YJU2: variants seen among roughly 807,000 people sequenced by gnomAD.
YJU2 encodes the protein splicing factor YJU2.
Under a neutral mutation model 39.6 loss-of-function variants are expected in YJU2, and 28 were observed. That is an observed-to-expected ratio of 0.71 (90% CI 0.52 to 0.97). The LOEUF is 0.97. Ranked by LOEUF, YJU2 falls within the 50% of genes least tolerant of loss-of-function variation. YJU2 has a pLI of 0.00. For synonymous variants in YJU2, 184 were observed against 182.4 expected (o/e 1.01, Z -0.07); for missense variants, 328 against 430.4 (o/e 0.76, Z 2.11).
chr19:4,251,182 C>G lies in YJU2; in HGVS notation c.270+11C>G. ...GAGATCACCTTCAAGGTAGGTGAGA[C>G]GGCCGGCCAGGCCGGTCCCTCTCCC... On this transcript the variant is annotated intron_variant, in intron 3 of 7. Transcript: ENST00000262962. 1 of 1,611,548 alleles carries G rather than the reference C, an allele frequency of 6.2e-7. No individual in the cohort carries two copies.
intron 4 of YJU2, among the ~76,000 whole-genome samples, chr19:4,257,834 C>T (rs1210588088): frequency 6.6e-6 from 1 of 152,126 alleles, no homozygotes; most frequent in Non-Finnish European, 1.5e-5. Context: ...AACTCCTGAT[C>T]TCAGGTGATC....
In YJU2 at chr19:4,268,713, C is replaced by G. The variant is rs1013558635; in HGVS notation, c.*17C>G. Reference sequence around the variant, plus strand: ...AGCAACTGAGCCCTCCCAGGACCCCCTCACGGGGTCAAAGTCACACGTCCA... The same window carrying G: ...AGCAACTGAGCCCTCCCAGGACCCCGTCACGGGGTCAAAGTCACACGTCCA... On this transcript the variant is annotated 3_prime_UTR_variant, in exon 8 of 8. Coordinates refer to ENST00000262962, the MANE Select transcript of YJU2 (RefSeq NM_018074.6). The G allele has an allele frequency of 2.6e-6, 4 of 1,562,528 alleles. No homozygotes were observed. The East Asian group carries it at 9.0e-5, about 35-fold the overall frequency.
intron 6 of YJU2, among the ~76,000 whole-genome samples, chr19:4,265,972 G>A (rs1388799587): frequency 3.4e-5 from 4 of 116,326 alleles, no homozygotes; most frequent in African/African-American, 1.0e-4. Flanking sequence ...TTTTTTTTTC[G>A]AGACGGCGTC....
chr19:4,251,256 C>A, intron 3 of YJU2, 85 bp downstream of exon 3: 1 of 1,276,980 alleles, frequency 7.8e-7, no homozygotes, highest in Non-Finnish European at 1.1e-6. Context: ...TAACTCCAAT[C>A]CTCTCCATCC....
intron 5 of YJU2, among the ~76,000 whole-genome samples, chr19:4,261,035 G>A (rs1285772189): frequency 6.6e-6 from 1 of 151,522 alleles, no homozygotes; most frequent in Non-Finnish European, 1.5e-5. Flanking sequence ...GGTCATCCCA[G>A]GTAAGGGGAT....
chr19:4,261,379 T>A (rs545013553), intron 5 of YJU2, among the ~76,000 whole-genome samples: 1 of 152,218 alleles, frequency 6.6e-6, no homozygotes, highest in African/African-American at 2.4e-5. Context: ...TAGTCCTAGC[T>A]GCTCGGTAGG....
chr19:4,252,334 C>T (rs1054567098), intron 3 of YJU2, among the ~76,000 whole-genome samples: 3 of 151,984 alleles, frequency 2.0e-5, no homozygotes, highest in Non-Finnish European at 2.9e-5. Flanking sequence ...CGCAGTGGCT[C>T]ACGCCTCTAA....
Position 4,264,699 on chromosome 19 carries a change from C to T in YJU2, c.708+2585C>T, listed in dbSNP as rs965379054. Among the ~76,000 whole-genome samples, 3 of 152,088 alleles carry T rather than the reference C, an allele frequency of 2.0e-5. No homozygotes were observed. In the East Asian group the frequency reaches 5.8e-4, roughly 29 times the overall value. ...ATGGCGTTTCACCATGTTGGCCAGG[C>T]TGATCTAGAACTCCTGACCTCAGGT... On this transcript the variant is annotated intron_variant, in intron 6 of 7. Transcript: ENST00000262962.
intron 6 of YJU2, among the ~76,000 whole-genome samples, chr19:4,266,634 C>G (rs192488152): frequency 8.5e-5 from 13 of 152,242 alleles, no homozygotes; most frequent in African/African-American, 3.1e-4. Flanking sequence ...GGGCAGAGCA[C>G]CCATTGGGAC....
At chr19:4,262,955 T>A (rs930005897) in intron 6 of YJU2, among the ~76,000 whole-genome samples, 3 of 150,532 alleles carry the variant, frequency 2.0e-5, no homozygotes, top group African/African-American at 7.4e-5. Context: ...ACGCTTGTAA[T>A]CCCAGCTACT....
At chr19:4,264,575 C>T (rs1367622722) in intron 6 of YJU2, among the ~76,000 whole-genome samples, 1 of 151,876 alleles carries the variant, frequency 6.6e-6, no homozygotes, top group Non-Finnish European at 1.5e-5. Context: ...CAACCTTCGC[C>T]CCCCGGGTTC....
chr19:4,254,331 G>GT lies in YJU2; in HGVS notation c.271-24_271-23insT, dbSNP rs779868147. On this transcript the variant is annotated intron_variant, in intron 3 of 7. Coordinates refer to ENST00000262962, the MANE Select transcript of YJU2 (RefSeq NM_018074.6). ...TCTAGTGCCTGGGGATGTAGGAGCT[G>GT]ATGTCTGTCTATCCTCCCTGCAGAC... 101 of 1,585,280 alleles carry GT rather than the reference G, an allele frequency of 6.4e-5. 1 individual carries two copies. The South Asian group carries it at 1.1e-3, about 17-fold the overall frequency.
At chr19:4,264,179 G>A (rs113626336) in intron 6 of YJU2, among the ~76,000 whole-genome samples, 44,632 of 145,102 alleles carry the variant, frequency 0.31, 6,946 homozygotes, top group East Asian at 0.5. Flanking sequence ...GGAGAATGGC[G>A]TGAACCCAGG....
intron 4 of YJU2, among the ~76,000 whole-genome samples, chr19:4,256,485 A>G (rs1183236503): frequency 1.3e-5 from 2 of 152,112 alleles, no homozygotes; most frequent in African/African-American, 2.4e-5. Flanking sequence ...CTGTGTGTGA[A>G]TTTAGTTACC....
chr19:4,267,984 G>C lies in YJU2; in HGVS notation c.859+210G>C, dbSNP rs568228631. ...TTTTTTTTTTTTGAGACAGAGTCTT[G>C]CTCTGTTGCCCAGGCTGGAGTGCAG... On this transcript the variant is annotated intron_variant, in intron 7 of 7. Transcript: ENST00000262962. 9.7e-5 allele frequency among the ~76,000 whole-genome samples: 14 copies of C among 144,098 alleles called. No homozygotes were observed. In the East Asian group the frequency reaches 2.5e-3, roughly 25 times the overall value. 94.5% of individuals were successfully genotyped at this position (144,098 alleles called of 152,430 possible).
chr19:4,254,749 G>C (rs944556250), intron 4 of YJU2, among the ~76,000 whole-genome samples: 36 of 151,896 alleles, frequency 2.4e-4, no homozygotes, highest in Middle Eastern at 3.4e-3. Context: ...GCGAAACCCT[G>C]TTCCTACTAA....
intron 2 of YJU2, among the ~76,000 whole-genome samples, chr19:4,250,443 G>C (rs1303497155): frequency 6.6e-6 from 1 of 152,172 alleles, no homozygotes; most frequent in African/African-American, 2.4e-5. Flanking sequence ...CCCGAAGTCA[G>C]GCAGGAGAGA....
chr19:4,265,016 G>A (rs1010962044), intron 6 of YJU2, among the ~76,000 whole-genome samples: 4 of 152,002 alleles, frequency 2.6e-5, no homozygotes, highest in Non-Finnish European at 5.9e-5. Flanking sequence ...AGAATTCATT[G>A]TCTACAACTT....
At chr19:4,266,413 A>G (rs567055250) in intron 6 of YJU2, among the ~76,000 whole-genome samples, 1 of 152,106 alleles carries the variant, frequency 6.6e-6, no homozygotes, top group Non-Finnish European at 1.5e-5. Context: ...TACCCATGCC[A>G]TTCCCCTTAC....
Sources: gnomAD v4.1 joint callset for allele counts (sites outside exome capture counted in the v4.1 genomes callset) on GRCh38, gnomAD v4.1.1 for gene constraint, MANE v1.5 for transcripts, NCBI Gene and HGNC (gene_info 2026-07-23, HGNC 2026-07-21) for gene names.